The following PDZRN3 variants were observed in gnomAD, a reference collection of about 807,000 sequenced individuals.
PDZRN3 encodes E3 ubiquitin-protein ligase PDZRN3.
In PDZRN3, 38 loss-of-function variants were observed where a neutral mutation model predicts 85.7. The observed-to-expected ratio is 0.44, with a 90% CI of 0.34 to 0.58. The LOEUF is 0.58. PDZRN3 is among the 20% of genes least tolerant of loss of function. PDZRN3 has a pLI of 0.01. For synonymous variants in PDZRN3, 759 were observed against 638.0 expected (o/e 1.19, Z -2.86); for missense variants, 1,629 against 1,506.4 (o/e 1.08, Z -1.35).
At chr3:73,433,445 C>T (rs1451415781) in intron 3 of PDZRN3, among the ~76,000 whole-genome samples, 1 of 152,190 alleles carries the variant, frequency 6.6e-6, no homozygotes, top group Admixed American at 6.5e-5. Flanking sequence ...AATGCAGGCA[C>T]CAAAGTGCCA....
chr3:73,475,358 C>T (rs1575678607), intron 3 of PDZRN3, among the ~76,000 whole-genome samples: 1 of 152,162 alleles, frequency 6.6e-6, no homozygotes, highest in East Asian at 1.9e-4. Context: ...GAATTGAGAC[C>T]TGAAACCTTT....
chr3:73,611,832 CA>C (rs1440154534), intron 1 of PDZRN3, among the ~76,000 whole-genome samples: 1 of 152,174 alleles, frequency 6.6e-6, no homozygotes, highest in African/African-American at 2.4e-5. Context: ...AAACATTTAA[CA>C]TGTTAACATT....
In PDZRN3 at chr3:73,559,771, ATGAC is replaced by A. The variant is rs2106825637; in HGVS notation, c.918+42579_918+42582del. Among the ~76,000 whole-genome samples, 2 of 152,388 alleles carry A rather than the reference ATGAC, an allele frequency of 1.3e-5. 1 individual carries two copies. Among genetic ancestry groups the A allele is most frequent in the African/African-American group, 4.8e-5 (2 of 41,602 alleles). The stretch of plus-strand genomic sequence containing the variant: ...TAGAAGGATGGATGGTGGTGTCTGA[ATGAC>A]TGAAGTTTGGCCAAGGCTGGAATAT... On this transcript the variant is annotated intron_variant, in intron 3 of 9. Transcript: ENST00000263666.
At chr3:73,492,622 A>C (rs928614388) in intron 3 of PDZRN3, among the ~76,000 whole-genome samples, 1 of 152,208 alleles carries the variant, frequency 6.6e-6, no homozygotes, top group African/African-American at 2.4e-5. Context: ...TCAGCAGAGA[A>C]GCACCCAAGG....
intron 3 of PDZRN3, among the ~76,000 whole-genome samples, chr3:73,425,935 T>C (rs988491707): frequency 6.6e-6 from 1 of 152,186 alleles, no homozygotes; most frequent in African/African-American, 2.4e-5. Context: ...CCACAAGAAT[T>C]CTGCCAATTC....
chr3:73,548,740 G>T (rs906553082), intron 3 of PDZRN3, among the ~76,000 whole-genome samples: 21 of 152,156 alleles, frequency 1.4e-4, no homozygotes, highest in African/African-American at 4.8e-4. Flanking sequence ...AAAATTAAAT[G>T]GATTGTTTTA....
intron 3 of PDZRN3, among the ~76,000 whole-genome samples, chr3:73,475,290 TACGGCAAATACAAA>T (rs1183099088): frequency 6.6e-6 from 1 of 152,226 alleles, no homozygotes; most frequent in Admixed American, 6.5e-5. Flanking sequence ...CACAGATATT[TACGGCAAATACAAA>T]ACACCAAGCG....
intron 3 of PDZRN3, among the ~76,000 whole-genome samples, chr3:73,508,001 A>G (rs748418809): frequency 2.0e-5 from 3 of 152,066 alleles, no homozygotes; most frequent in Non-Finnish European, 4.4e-5. Context: ...GCTGAGGCAC[A>G]TGAGAATGGC....
chr3:73,414,053 A>C (rs1306931760), intron 3 of PDZRN3, among the ~76,000 whole-genome samples: 1 of 152,112 alleles, frequency 6.6e-6, no homozygotes, highest in Non-Finnish European at 1.5e-5. Flanking sequence ...CCTATAGGCA[A>C]CGTCTAAGGC....
At chr3:73,416,959 T>C (rs1400113094) in intron 3 of PDZRN3, among the ~76,000 whole-genome samples, 3 of 144,410 alleles carry the variant, frequency 2.1e-5, no homozygotes, top group Non-Finnish European at 3.0e-5. Flanking sequence ...TGGTACAATC[T>C]TGGCTCACTA....
At position 73,409,357 on chromosome 3, in the gene PDZRN3, T is replaced by TTTC. The variant is rs527518228; in HGVS notation, c.919-4965_919-4963dup. On this transcript the variant is annotated intron_variant, in intron 3 of 9. Coordinates refer to ENST00000263666, the MANE Select transcript of PDZRN3 (RefSeq NM_015009.3). Reference sequence around the variant, plus strand: ...TCCTAGGAGGTACTTGTAGCTGTCTTTTCCAGTTGGTCCTGAGAACTAACA... The same window carrying TTTC: ...TCCTAGGAGGTACTTGTAGCTGTCTTTTCTTCCAGTTGGTCCTGAGAACTAACA... Among the ~76,000 whole-genome samples, 194 of 152,302 alleles carry TTTC rather than the reference T, an allele frequency of 1.3e-3. 1 individual carries two copies. Among genetic ancestry groups the TTTC allele is most frequent in the East Asian group, 7.9e-3 (41 of 5,180 alleles).
At chr3:73,540,932 C>T (rs2106781018) in intron 3 of PDZRN3, among the ~76,000 whole-genome samples, 1 of 152,282 alleles carries the variant, frequency 6.6e-6, no homozygotes, top group Admixed American at 6.5e-5. Context: ...TACATTACCC[C>T]TGAGATGCAT....
chr3:73,383,685 C>A lies in PDZRN3; in HGVS notation c.2881G>T (p.Asp961Tyr). Residue 961 changes from aspartate (D) to tyrosine (Y), a missense_variant, in exon 10 of 10, where the codon GAC becomes TAC. By Grantham distance (160) the Asp-to-Tyr change is radical (BLOSUM62 -3). Transcript: ENST00000263666. ...REERSGMTTD[D>Y]DAVSEMKMGR... is the part of the protein sequence containing the mutation. ...ATCTTCATCTCGCTCACCGCGTCGTCGTCGGTGGTCATGCCGCTGCGCTCT... is the reference window on the plus strand; with the variant it reads ...ATCTTCATCTCGCTCACCGCGTCGTAGTCGGTGGTCATGCCGCTGCGCTCT... The A allele has an allele frequency of 6.2e-7, 1 of 1,611,936 alleles. No individual in the cohort carries two copies. The highest frequency in any genetic ancestry group is 1.7e-5 in the Admixed American group (1 of 60,034).
intron 3 of PDZRN3, among the ~76,000 whole-genome samples, chr3:73,484,525 T>C (rs916744348): frequency 6.6e-6 from 1 of 152,114 alleles, no homozygotes; most frequent in Admixed American, 6.5e-5. Context: ...ACAGAAGAGC[T>C]TCATGGAGAG....
intron 1 of PDZRN3, among the ~76,000 whole-genome samples, chr3:73,612,706 G>A (rs1199717856): frequency 6.6e-6 from 1 of 152,166 alleles, no homozygotes; most frequent in Non-Finnish European, 1.5e-5. Flanking sequence ...CTGAGTTCAG[G>A]GCTGGACTTA....
intron 3 of PDZRN3, among the ~76,000 whole-genome samples, chr3:73,543,842 G>A (rs1402634958): frequency 6.6e-6 from 1 of 152,202 alleles, no homozygotes; most frequent in Non-Finnish European, 1.5e-5. Flanking sequence ...TTGCCTAACT[G>A]AGATTCAGTA....
At position 73,624,413 on chromosome 3, in the gene PDZRN3, G is replaced by A. The variant is rs750413883; in HGVS notation, c.413C>T (p.Pro138Leu). ...GCAGCCCTCCTGGCAGCGGCCCACT[G>A]GCCGCGCGTCGCAGGCGTCGCGCAT... ...AHMRDACDARPVGRCQEGCGL... is the reference protein window; with the variant it reads ...AHMRDACDARLVGRCQEGCGL... The change falls in exon 1 of 10, where the codon CCA (proline) becomes CTA (leucine). Residue 138 changes from proline to leucine, a missense_variant. Transcript: ENST00000263666. The A allele has an allele frequency of 3.8e-5, 50 of 1,302,970 alleles. No individual in the cohort carries two copies. Among genetic ancestry groups the A allele is most frequent in the Non-Finnish European group, 4.8e-5 (50 of 1,030,938 alleles). The allele number at this position is 1,302,970 out of a possible 1,614,324, so 80.7% of individuals were successfully genotyped here.
intron 3 of PDZRN3, among the ~76,000 whole-genome samples, chr3:73,530,330 C>T (rs1704623863): frequency 1.3e-5 from 2 of 152,200 alleles, no homozygotes; most frequent in Non-Finnish European, 2.9e-5. Context: ...CATAAGACCA[C>T]TACCAAATGA....
At chr3:73,416,880 T>TTTTTTTTTG (rs1702097811) in intron 3 of PDZRN3, among the ~76,000 whole-genome samples, 2 of 13,120 alleles carry the variant, frequency 1.5e-4, no homozygotes, top group African/African-American at 6.5e-4. Flanking sequence ...TTTTTGGTTT[T>TTTTTTTTTG]TTTTTTTTTT....
Sources: gnomAD v4.1 joint callset for allele counts (sites outside exome capture counted in the v4.1 genomes callset) on GRCh38, gnomAD v4.1.1 for gene constraint, MANE v1.5 for transcripts, NCBI Gene and HGNC (gene_info 2026-07-23, HGNC 2026-07-21) for gene names.